NOCT: variants seen among roughly 807,000 people sequenced by gnomAD.
NOCT encodes the protein nocturnin.
In NOCT, 18 loss-of-function variants were observed where a neutral mutation model predicts 35.0. The observed-to-expected ratio is 0.51, with a 90% CI of 0.36 to 0.76. The LOEUF is 0.76. NOCT is among the 30% of genes least tolerant of loss of function. The pLI is 0.01. For missense variants in NOCT, 479 were observed against 541.0 expected, an observed-to-expected ratio of 0.89 and a Z score of 1.14; for synonymous variants, 235 against 226.3, an observed-to-expected ratio of 1.04 and a Z score of -0.34.
chr4:139,039,117 C>T (rs10014760), intron 1 of NOCT, among the ~76,000 whole-genome samples: 37,420 of 137,372 alleles, frequency 0.27, 4,954 homozygotes, highest in Middle Eastern at 0.47. Flanking sequence ...GGGAGGATTG[C>T]TTGAGCTCAG....
In NOCT at chr4:139,045,509, A is replaced by AT. The variant is rs546346607; in HGVS notation, c.*60dup. The stretch of plus-strand genomic sequence containing the variant: ...TTTGTCTTTTTAATCACAGGAGTCT[A>AT]TTTTTTTTTTTTTTTTTTTTTTTTT... On this transcript the variant is annotated 3_prime_UTR_variant, in exon 3 of 3. Coordinates refer to ENST00000280614, the MANE Select transcript of NOCT (RefSeq NM_012118.4). 43,642 of 363,632 alleles carry AT rather than the reference A, an allele frequency of 0.12. 1,338 individuals are homozygous for AT. The highest frequency in any genetic ancestry group is 0.19 in the African/African-American group (5,398 of 27,794). The allele number at this position is 363,632 out of a possible 1,614,324, so 22.5% of individuals were successfully genotyped here.
chr4:139,018,674 G>T (rs1002669609), intron 1 of NOCT, among the ~76,000 whole-genome samples: 33 of 152,196 alleles, frequency 2.2e-4, no homozygotes, highest in African/African-American at 7.5e-4. Context: ...TTTATTATGG[G>T]AGTTAAAAAC....
At position 139,025,671 on chromosome 4, in the gene NOCT, G is replaced by C. The variant is rs780784812; in HGVS notation, c.190+9500G>C. 5.5e-4 allele frequency among the ~76,000 whole-genome samples: 83 copies of C among 152,038 alleles called. 1 individual carries two copies. Among genetic ancestry groups the C allele is most frequent in the Non-Finnish European group, 6.9e-4 (47 of 68,004 alleles). On this transcript the variant is annotated intron_variant, in intron 1 of 2. Coordinates refer to ENST00000280614, the MANE Select transcript of NOCT (RefSeq NM_012118.4). Reference sequence around the variant, plus strand: ...CAAAAATTAGCCATGCGTGGTGGCGGGTGCCTGTAATCCCATCAGCGACTC... The same window carrying C: ...CAAAAATTAGCCATGCGTGGTGGCGCGTGCCTGTAATCCCATCAGCGACTC...
intron 1 of NOCT, among the ~76,000 whole-genome samples, chr4:139,023,916 A>C (rs577620940): frequency 6.1e-4 from 93 of 152,284 alleles, no homozygotes; most frequent in South Asian, 2.5e-3. Context: ...GCGCCCATCC[A>C]ATCTAAAGAC....
In NOCT at chr4:139,045,509, ATTTTT is replaced by A. The variant is rs546346607; in HGVS notation, c.*56_*60del. The A allele has an allele frequency of 3.0e-4, 115 of 379,600 alleles. No individual in the cohort carries two copies. Among genetic ancestry groups the A allele is most frequent in the Middle Eastern group, 7.6e-4 (1 of 1,322 alleles). The allele number at this position is 379,600 out of a possible 1,614,324, so 23.5% of individuals were successfully genotyped here. On this transcript the variant is annotated 3_prime_UTR_variant, in exon 3 of 3. Transcript: ENST00000280614. Reference sequence around the variant, plus strand: ...TTTGTCTTTTTAATCACAGGAGTCTATTTTTTTTTTTTTTTTTTTTTTTTTGAGAC... The same window carrying A: ...TTTGTCTTTTTAATCACAGGAGTCTATTTTTTTTTTTTTTTTTTTTGAGAC...
chr4:139,015,906 C>A lies in NOCT; in HGVS notation c.-76C>A. ...GCCCACACTGCCCGGACAGTCGGCT[C>A]GACTCGGTGCCCTCGGCCCCAGCCG... On this transcript the variant is annotated 5_prime_UTR_variant, in exon 1 of 3. Transcript: ENST00000280614. 1 of 1,168,044 alleles carries A rather than the reference C, an allele frequency of 8.6e-7. No homozygotes were observed. Among genetic ancestry groups the A allele is most frequent in the Non-Finnish European group, 1.1e-6 (1 of 917,800 alleles). 72.4% of individuals were successfully genotyped at this position (1,168,044 alleles called of 1,614,324 possible).
At chr4:139,035,391 C>T (rs1196612000) in intron 1 of NOCT, among the ~76,000 whole-genome samples, 1 of 152,172 alleles carries the variant, frequency 6.6e-6, no homozygotes, top group Non-Finnish European at 1.5e-5. Flanking sequence ...CTGCCTTGGC[C>T]TCCCAAAGTG....
Position 139,015,892 on chromosome 4 carries a change from C to G in NOCT, c.-90C>G. On this transcript the variant is annotated 5_prime_UTR_variant, in exon 1 of 3. Transcript: ENST00000280614. ...GCCTGGGAGCATCCGCCCACACTGC[C>G]CGGACAGTCGGCTCGACTCGGTGCC... The G allele has an allele frequency of 1.9e-6, 2 of 1,076,338 alleles. No homozygotes were observed. The highest frequency in any genetic ancestry group is 2.4e-6 in the Non-Finnish European group (2 of 837,544). The allele number at this position is 1,076,338 out of a possible 1,614,324, so 66.7% of individuals were successfully genotyped here. A position where few individuals can be genotyped will look rare whatever the true frequency, so the allele number is the denominator to read the frequency against.
intron 1 of NOCT, among the ~76,000 whole-genome samples, chr4:139,024,481 GTT>G (rs759269016): frequency 3.9e-5 from 6 of 152,126 alleles, no homozygotes; most frequent in Non-Finnish European, 5.9e-5. Flanking sequence ...ATAGAAACCT[GTT>G]TTGTGTCTAT....
intron 1 of NOCT, among the ~76,000 whole-genome samples, chr4:139,016,465 C>T (rs1289880909): frequency 2.0e-5 from 3 of 151,938 alleles, no homozygotes; most frequent in Admixed American, 6.6e-5. Context: ...GTTAAATTTC[C>T]CCCTTCCGAG....
At position 139,043,204 on chromosome 4, in the gene NOCT, TAAAG is replaced by T. The variant is rs1249995465; in HGVS notation, c.323_326del (p.Lys108SerfsTer24). 1 of 1,614,172 alleles carries T rather than the reference TAAAG, an allele frequency of 6.2e-7. No homozygotes were observed. The highest frequency in any genetic ancestry group is 1.1e-5 in the South Asian group (1 of 91,084). Reference sequence around the variant, plus strand: ...CAGAGCATCTGGAGCCCATTGATCCTAAAGAGCTTCTTGAGGAATGCAGGGCCGT... The same window carrying T: ...CAGAGCATCTGGAGCCCATTGATCCTAGCTTCTTGAGGAATGCAGGGCCGT... On this transcript the variant is annotated frameshift_variant, in exon 2 of 3. Coordinates refer to ENST00000280614, the MANE Select transcript of NOCT (RefSeq NM_012118.4). LOFTEE classifies it high-confidence loss of function.
chr4:139,042,627 C>G (rs1234339913), intron 1 of NOCT, among the ~76,000 whole-genome samples: 2 of 152,056 alleles, frequency 1.3e-5, no homozygotes, highest in African/African-American at 4.8e-5. Flanking sequence ...GTAGAAATGG[C>G]TTTATACGCC....
chr4:139,024,045 C>CTTTTTTTTTTTTTTTT, intron 1 of NOCT, among the ~76,000 whole-genome samples: 1 of 130,998 alleles, frequency 7.6e-6, no homozygotes, highest in Non-Finnish European at 1.6e-5. Context: ...TCTATTCATC[C>CTTTTTTTTTTTTTTTT]TTTTTTTTTT....
intron 2 of NOCT, among the ~76,000 whole-genome samples, chr4:139,044,316 A>AT (rs1211985355): frequency 3.9e-5 from 6 of 152,196 alleles, no homozygotes; most frequent in Non-Finnish European, 2.9e-5. Context: ...AACCAAAAAA[A>AT]TTTTAAAAGA....
intron 1 of NOCT, among the ~76,000 whole-genome samples, chr4:139,021,839 A>T (rs1578624701): frequency 1.3e-5 from 2 of 151,716 alleles, no homozygotes; most frequent in Middle Eastern, 6.8e-3. Flanking sequence ...GCTCACTGCA[A>T]CCTGTGCCTC....
At chr4:139,020,999 G>A (rs972650571) in intron 1 of NOCT, among the ~76,000 whole-genome samples, 4 of 150,876 alleles carry the variant, frequency 2.7e-5, no homozygotes, top group African/African-American at 4.9e-5. Context: ...CCCAGGAGGC[G>A]GAGGTATCAG....
chr4:139,031,928 G>C (rs550775528), intron 1 of NOCT, among the ~76,000 whole-genome samples: 2 of 152,004 alleles, frequency 1.3e-5, no homozygotes, highest in South Asian at 2.1e-4. Flanking sequence ...GTTCAGGCTC[G>C]TCTCGAACTC....
chr4:139,044,669 A>C lies in NOCT; in HGVS notation c.491A>C (p.Gln164Pro). 6.2e-7 allele frequency: 1 copy of C among 1,613,908 alleles called. No individual in the cohort carries two copies. The highest frequency in any genetic ancestry group is 8.5e-7 in the Non-Finnish European group (1 of 1,179,766). ...GGAGAAGGCAAAGACAACTTTGTAC[A>C]GTGCCCTGTTGAAGCACTCAAATGG... ...ALGEGKDNFV[Q>P]CPVEALKWEE... Residue 164 changes from glutamine (Q) to proline (P), a missense_variant, in exon 3 of 3, where the codon CAG becomes CCG. Around this residue, in one of 2 missense-constraint regions of NOCT, gnomAD observed 265 missense variants for 257.0 expected, o/e 1.03. Transcript: ENST00000280614.
Position 139,039,170 on chromosome 4 carries a change from C to CAAAAAAAAAAAAAAAAAAAAAA in NOCT, c.191-3887_191-3886insAAAAAAAAAAAAAAAAAAAAAA, listed in dbSNP as rs59445691. On this transcript the variant is annotated intron_variant, in intron 1 of 2. Transcript: ENST00000280614. ...GGGCAACACAGTGAAGACTCCATTT[C>CAAAAAAAAAAAAAAAAAAAAAA]AAAAAAAAAAAAAAAAAGCCATTCT... Among the ~76,000 whole-genome samples, 18 of 91,360 alleles carry CAAAAAAAAAAAAAAAAAAAAAA rather than the reference C, an allele frequency of 2.0e-4. 1 individual carries two copies. The highest frequency in any genetic ancestry group is 7.8e-4 in the African/African-American group (18 of 23,110). 59.9% of individuals were successfully genotyped at this position (91,360 alleles called of 152,430 possible). A position where few individuals can be genotyped will look rare whatever the true frequency, so the allele number is the denominator to read the frequency against.
Sources: allele counts gnomAD v4.1 joint callset (sites outside exome capture counted in the v4.1 genomes callset), GRCh38; gene constraint gnomAD v4.1.1; regional missense constraint gnomAD v4.1.1; transcripts MANE v1.5; gene names NCBI Gene and HGNC (gene_info 2026-07-23, HGNC 2026-07-21).